Variants in RNF212 observed in about 807,000 individuals in gnomAD.
RNF212 encodes the protein ring finger protein 212.
RNF212 carries 33 observed loss-of-function variants against 34.7 expected under a neutral mutation model. The ratio of observed to expected loss-of-function variants is 0.95; its 90% CI spans 0.72 to 1.27. The LOEUF (loss-of-function observed/expected upper bound fraction) is 1.27. Ranked by LOEUF, RNF212 falls within the 50% of genes most tolerant of loss-of-function variation. The probability of loss-of-function intolerance (pLI) is 0.00; values close to 1 mark genes in which losing one functional copy is unlikely to be tolerated. For missense variants in RNF212, 377 were observed against 362.2 expected (o/e 1.04, Z -0.33); for synonymous variants, 140 against 136.1 (o/e 1.03, Z -0.20).
downstream of RNF212, among the ~76,000 whole-genome samples, chr4:1,067,932 A>G (rs1268090741): frequency 6.6e-6 from 1 of 152,174 alleles, no homozygotes; most frequent in Non-Finnish European, 1.5e-5. Context: ...AGGCCTGTAC[A>G]GTGAAAATTG....
chr4:1,104,034 G>A (rs573038907), intron 2 of RNF212, among the ~76,000 whole-genome samples: 1 of 152,330 alleles, frequency 6.6e-6, no homozygotes, highest in African/African-American at 2.4e-5. Context: ...GGTCACTAGA[G>A]ACAGTTAAGA....
intron 4 of RNF212, among the ~76,000 whole-genome samples, chr4:1,086,243 C>G (rs1721142299): frequency 6.6e-6 from 1 of 152,140 alleles, no homozygotes; most frequent in Non-Finnish European, 1.5e-5. Context: ...TCCAGGGGAG[C>G]ACCTGGCCTC....
chr4:1,112,651 C>A (rs1003383170), intron 1 of RNF212, among the ~76,000 whole-genome samples: 1 of 150,508 alleles, frequency 6.6e-6, no homozygotes, highest in Admixed American at 6.6e-5. Flanking sequence ...CAAGCCAGAG[C>A]CCCCGACTGA....
At position 1,073,036 on chromosome 4, in the gene RNF212, G is replaced by A. The variant is rs199880036; in HGVS notation, c.732C>T (p.His244=). 39 of 1,614,044 alleles carry A rather than the reference G, an allele frequency of 2.4e-5. No individual in the cohort carries two copies. In the East Asian group the frequency reaches 2.7e-4, roughly 11 times the overall value. ...GTGTTTTAGAGTTGGTGAGTTCCCC[G>A]TGCCTTCCAGAACTGAACGCTAGGA... ...LLLLAFSSGR[H]GELTNSKTLP... Residue 244 remains histidine, a synonymous_variant, in exon 10 of 10, where the codon CAC becomes CAT. Transcript: ENST00000433731.
In RNF212 at chr4:1,085,970, C is replaced by T; in HGVS notation, c.304-16G>A. On this transcript the variant is annotated splice_polypyrimidine_tract_variant and intron_variant, in intron 4 of 9. Transcript: ENST00000433731. ...ACCTAGAAATCTAAACATAATTACA[C>T]AACCTCTTGTTATCAGACAGGCTAT... The T allele has an allele frequency of 6.3e-7, 1 of 1,577,302 alleles. No homozygotes were observed. Among genetic ancestry groups the T allele is most frequent in the Non-Finnish European group, 8.7e-7 (1 of 1,147,332 alleles).
intron 3 of RNF212, chr4:1,093,735 G>A: frequency 6.5e-7 from 1 of 1,536,294 alleles, no homozygotes; most frequent in Non-Finnish European, 8.7e-7. Context: ...ATGAACTCAA[G>A]CAACTTCTGG....
intron 3 of RNF212, chr4:1,094,115 G>T: frequency 7.4e-7 from 1 of 1,359,888 alleles, no homozygotes; most frequent in Non-Finnish European, 9.7e-7. Context: ...GCCCATGAAG[G>T]AGAGTGCCAT....
At chr4:1,102,456 A>G (rs1166061925) in intron 2 of RNF212, among the ~76,000 whole-genome samples, 2 of 152,180 alleles carry the variant, frequency 1.3e-5, no homozygotes, top group African/African-American at 2.4e-5. Context: ...CTATGTATAC[A>G]TGGACACACA....
At chr4:1,099,791 G>A (rs1230633815) in intron 2 of RNF212, 3 of 456,264 alleles carry the variant, frequency 6.6e-6, no homozygotes, top group South Asian at 4.6e-5. Context: ...ATCAACCCTG[G>A]TGCAGAGCAA....
Position 1,083,639 on chromosome 4 carries a change from A to AAAACAAAC in RNF212, c.363-2028_363-2021dup, listed in dbSNP as rs76992730. On this transcript the variant is annotated intron_variant, in intron 5 of 9. Coordinates refer to ENST00000433731, the MANE Select transcript of RNF212 (RefSeq NM_001131034.4). ...GGTGACAGAGTGAGACTCTGTCTCA[A>AAAACAAAC]AAACAAACAAACAAACAAACAAACA... 5.3e-3 allele frequency among the ~76,000 whole-genome samples: 796 copies of AAAACAAAC among 149,300 alleles called. 10 individuals carry two copies. Among genetic ancestry groups the AAAACAAAC allele is most frequent in the South Asian group, 0.014 (65 of 4,660 alleles).
chr4:1,076,190 A>G (rs1023506002), intron 8 of RNF212, among the ~76,000 whole-genome samples: 1 of 152,126 alleles, frequency 6.6e-6, no homozygotes, highest in South Asian at 2.1e-4. Flanking sequence ...CTTCCCGGGC[A>G]CCTTGTCCAG....
At chr4:1,097,375 C>T (rs649258) in intron 2 of RNF212, among the ~76,000 whole-genome samples, 28,381 of 151,190 alleles carry the variant, frequency 0.19, 4,357 homozygotes, top group African/African-American at 0.43. Flanking sequence ...GAGGCCGAGG[C>T]GGGCGGATCA....
At chr4:1,081,376 A>G in intron 7 of RNF212, 43 bp downstream of exon 7, 3 of 1,578,714 alleles carry the variant, frequency 1.9e-6, no homozygotes, top group Non-Finnish European at 2.6e-6. Context: ...GCAGAATCGG[A>G]AAGACCTGCA....
chr4:1,067,914 A>G (rs1486711442), downstream of RNF212, among the ~76,000 whole-genome samples: 1 of 152,156 alleles, frequency 6.6e-6, no homozygotes, highest in East Asian at 1.9e-4. Flanking sequence ...GTCTATCAAG[A>G]AAGTACAAGG....
At position 1,072,508 on chromosome 4, in the gene RNF212, G is replaced by T. The variant is rs974391225; in HGVS notation, c.*366C>A. The T allele has an allele frequency of 4.2e-6, 1 of 236,072 alleles. No homozygotes were observed. The highest frequency in any genetic ancestry group is 7.8e-6 in the Non-Finnish European group (1 of 128,858). 14.6% of individuals were successfully genotyped at this position (236,072 alleles called of 1,614,324 possible). The stretch of plus-strand genomic sequence containing the variant: ...GGAGCTGTGCGTGTGTGGAGTCATG[G>T]TGTATATGGGAAATCTGTACCTTCC... On this transcript the variant is annotated 3_prime_UTR_variant, in exon 10 of 10. Coordinates refer to ENST00000433731, the MANE Select transcript of RNF212 (RefSeq NM_001131034.4).
chr4:1,108,760 A>G (rs543769487), intron 1 of RNF212, among the ~76,000 whole-genome samples: 1 of 152,316 alleles, frequency 6.6e-6, no homozygotes, highest in South Asian at 2.1e-4. Context: ...TGCAAGTGGC[A>G]TGATCACAGC....
rs866335811 is a variant in RNF212, at chr4:1,108,254, A to G, written c.171+89T>C. On this transcript the variant is annotated intron_variant, in intron 2 of 9. Coordinates refer to ENST00000433731, the MANE Select transcript of RNF212 (RefSeq NM_001131034.4). The stretch of plus-strand genomic sequence containing the variant: ...ACGGAGCAAAGTGACTGAAAATTTT[A>G]GACACCACAAATGACTAAAAATTAA... The G allele has an allele frequency of 3.1e-5, 25 of 808,768 alleles. No homozygotes were observed. The Middle Eastern group carries it at 3.0e-3, about 98-fold the overall frequency. The allele number at this position is 808,768 out of a possible 1,614,324, so 50.1% of individuals were successfully genotyped here.
chr4:1,070,956 A>G (rs575588302), downstream of RNF212, among the ~76,000 whole-genome samples: 160 of 151,812 alleles, frequency 1.1e-3, no homozygotes, highest in Non-Finnish European at 1.9e-3. Flanking sequence ...TTAAAAAACT[A>G]ATTTGTTTTT....
At chr4:1,067,954 TGAGA>T (rs1479378373), downstream of RNF212, among the ~76,000 whole-genome samples, 3 of 152,012 alleles carry the variant, frequency 2.0e-5, no homozygotes, top group Non-Finnish European at 4.4e-5. Context: ...TGAGGATTCT[TGAGA>T]GAAACTAAAG....
Sources: allele counts gnomAD v4.1 joint callset (sites outside exome capture counted in the v4.1 genomes callset), GRCh38; gene constraint gnomAD v4.1.1; transcripts MANE v1.5; gene names NCBI Gene and HGNC (gene_info 2026-07-23, HGNC 2026-07-21).